Variants in CTDSP2 observed in about 807,000 individuals in gnomAD.
The protein encoded by CTDSP2 is CTD small phosphatase 2, also known as carboxy-terminal domain RNA polymerase II polypeptide A small phosphatase 2.
CTDSP2 carries 9 observed loss-of-function variants against 31.6 expected under a neutral mutation model. That is an observed-to-expected ratio of 0.28 (90% CI 0.17 to 0.50). The LOEUF is 0.50. Among genes scored for constraint, CTDSP2 ranks in the 20% least tolerant of loss-of-function variants. The pLI is 0.98. For missense variants in CTDSP2, 267 were observed against 348.5 expected (o/e 0.77, Z 1.86); for synonymous variants, 134 against 134.5 (o/e 1.00, Z 0.03).
rs537276042 is a variant in CTDSP2 at position 57,824,871 on chromosome 12, C to T, written c.412-552G>A. 3.3e-5 allele frequency among the ~76,000 whole-genome samples: 5 copies of T among 152,318 alleles called. No homozygotes were observed. The South Asian group carries it at 8.3e-4, about 25-fold the overall frequency. ...GCTTGCTTCTGCCAGCCACCACTAACACCTTTGTCCACCCTTACGATCTTG... is the reference window on the plus strand; with the variant it reads ...GCTTGCTTCTGCCAGCCACCACTAATACCTTTGTCCACCCTTACGATCTTG... On this transcript the variant is annotated intron_variant, in intron 5 of 7. Transcript: ENST00000398073.
chr12:57,828,491 T>C (rs1956196612), intron 2 of CTDSP2, among the ~76,000 whole-genome samples: 1 of 152,248 alleles, frequency 6.6e-6, no homozygotes, highest in Non-Finnish European at 1.5e-5. Flanking sequence ...ATTAAAATCC[T>C]AGCACTTAGA....
chr12:57,827,568 T>C lies in CTDSP2; in HGVS notation c.236A>G (p.Gln79Arg). Residue 79 changes from glutamine to arginine, a missense_variant, in exon 3 of 8, where the codon CAG (glutamine) becomes CGG (arginine). Coordinates refer to ENST00000398073, the MANE Select transcript of CTDSP2 (RefSeq NM_005730.4). ...GTCACGTACCTGGTAGAACTGGTAC[T>C]GGAGACACTGGAGCAGATCCGACTG... ...IAKSDLLQCL[Q>R]YQFYQIPGTC... 6.2e-7 allele frequency: 1 copy of C among 1,614,066 alleles called. No individual in the cohort carries two copies. The highest frequency in any genetic ancestry group is 8.5e-7 in the Non-Finnish European group (1 of 1,179,980).
Position 57,822,831 on chromosome 12 carries a change from C to G in CTDSP2, c.*771G>C, listed in dbSNP as rs1956155461. 6.6e-6 allele frequency: 1 copy of G among 152,606 alleles called. No homozygotes were observed. Among genetic ancestry groups the G allele is most frequent in the Non-Finnish European group, 1.5e-5 (1 of 68,076 alleles). 9.5% of individuals were successfully genotyped at this position (152,606 alleles called of 1,614,324 possible). A position where few individuals can be genotyped will look rare whatever the true frequency, so the allele number is the denominator to read the frequency against. The stretch of plus-strand genomic sequence containing the variant: ...TAGAAAGAGAATTTTAAAACACAGT[C>G]AAAAGAACGGAAATCAGTTATCTGT... On this transcript the variant is annotated 3_prime_UTR_variant, in exon 8 of 8. Transcript: ENST00000398073.
Position 57,823,454 on chromosome 12 carries a change from A to G in CTDSP2, c.*148T>C. 1 of 886,190 alleles carries G rather than the reference A, an allele frequency of 1.1e-6. No homozygotes were observed. Among genetic ancestry groups the G allele is most frequent in the Non-Finnish European group, 1.7e-6 (1 of 588,822 alleles). 54.9% of individuals were successfully genotyped at this position (886,190 alleles called of 1,614,324 possible). ...CTGGCATTCGCCCACTCGGCATCTA[A>G]GCTGTCCTAAAGCTCTTTCCAGTTA... On this transcript the variant is annotated 3_prime_UTR_variant, in exon 8 of 8. Coordinates refer to ENST00000398073, the MANE Select transcript of CTDSP2 (RefSeq NM_005730.4).
At chr12:57,830,404 C>G (rs956064309) in intron 1 of CTDSP2, among the ~76,000 whole-genome samples, 15 of 151,190 alleles carry the variant, frequency 9.9e-5, no homozygotes, top group Admixed American at 6.6e-5. Context: ...ACAACAAAAA[C>G]AAACAAACAA....
chr12:57,828,158 G>T (rs1956194583), intron 2 of CTDSP2, among the ~76,000 whole-genome samples: 1 of 152,190 alleles, frequency 6.6e-6, no homozygotes, highest in Non-Finnish European at 1.5e-5. Flanking sequence ...AGTGGCTCAT[G>T]CCTGTAATCC....
At position 57,822,388 on chromosome 12, in the gene CTDSP2, C is replaced by G. The variant is rs1178438088; in HGVS notation, c.*1214G>C. 1 of 152,268 alleles carries G rather than the reference C, an allele frequency of 6.6e-6. No homozygotes were observed. The highest frequency in any genetic ancestry group is 2.4e-5 in the African/African-American group (1 of 41,444). The allele number at this position is 152,268 out of a possible 1,614,324, so 9.4% of individuals were successfully genotyped here. ...GCAGAAAGCATGCGCATTAGGCTGG[C>G]AAATGGCAAGAACACTCATTCCCCC... On this transcript the variant is annotated 3_prime_UTR_variant, in exon 8 of 8. Transcript: ENST00000398073.
intron 1 of CTDSP2, among the ~76,000 whole-genome samples, chr12:57,831,411 C>A (rs1314906741): frequency 2.0e-5 from 3 of 152,066 alleles, no homozygotes; most frequent in Non-Finnish European, 4.4e-5. Flanking sequence ...CGAGATCATG[C>A]GACTGCACTC....
At chr12:57,824,457 CTG>C in intron 5 of CTDSP2, 138 bp from the exon 6 acceptor site, 1 of 711,194 alleles carries the variant, frequency 1.4e-6, no homozygotes, top group Non-Finnish European at 2.5e-6. Flanking sequence ...GGCTGGAAGC[CTG>C]CGGCCCCCTG....
At chr12:57,831,447 G>A (rs1956215286) in intron 1 of CTDSP2, among the ~76,000 whole-genome samples, 1 of 151,414 alleles carries the variant, frequency 6.6e-6, no homozygotes. Context: ...AGCAAGACTC[G>A]TCTCAAAAAA....
intron 1 of CTDSP2, chr12:57,842,665 G>A (rs929487891): frequency 2.0e-5 from 3 of 152,354 alleles, no homozygotes; most frequent in Admixed American, 2.0e-4. Context: ...CAAAGGAGAT[G>A]CAGGAGGGAG....
At chr12:57,838,524 C>G (rs1480522381) in intron 1 of CTDSP2, among the ~76,000 whole-genome samples, 1 of 152,216 alleles carries the variant, frequency 6.6e-6, no homozygotes. Context: ...TAGTGCTGTG[C>G]CCTTGACTCC....
rs112505351 is a variant in CTDSP2 at position 57,846,394 on chromosome 12, G to T, written c.42C>A (p.Asp14Glu). The change falls in exon 1 of 8, where the codon GAC becomes GAA. Residue 14 changes from aspartate to glutamate, a missense_variant. By Grantham distance (45) the Asp-to-Glu change is conservative. This residue lies in a region of CTDSP2 where 111 missense variants were observed against 107.1 expected (regional missense o/e 1.04). Transcript: ENST00000398073. ...TACCTTGCTTGGTGAGCACCAGGGCGTCTTCCCTCCGCGCCTGGGTGATGA... is the reference window on the plus strand; with the variant it reads ...TACCTTGCTTGGTGAGCACCAGGGCTTCTTCCCTCCGCGCCTGGGTGATGA... ...GSIITQARRE[D>E]ALVLTKQGLV... The T allele has an allele frequency of 1.2e-6, 2 of 1,608,438 alleles. No homozygotes were observed. The highest frequency in any genetic ancestry group is 2.7e-5 in the African/African-American group (2 of 74,644).
rs1420715448 is a variant in CTDSP2 at position 57,822,412 on chromosome 12, C to G, written c.*1190G>C. ...GCAAATGGCAAGAACACTCATTCCCCCTCAGCCCAGGAAGAGCAAGAGTTC... is the reference window on the plus strand; with the variant it reads ...GCAAATGGCAAGAACACTCATTCCCGCTCAGCCCAGGAAGAGCAAGAGTTC... On this transcript the variant is annotated 3_prime_UTR_variant, in exon 8 of 8. Transcript: ENST00000398073. 1 of 152,390 alleles carries G rather than the reference C, an allele frequency of 6.6e-6. No individual in the cohort carries two copies. The highest frequency in any genetic ancestry group is 2.4e-5 in the African/African-American group (1 of 41,442). The allele number at this position is 152,390 out of a possible 1,614,324, so 9.4% of individuals were successfully genotyped here. A position where few individuals can be genotyped will look rare whatever the true frequency, so the allele number is the denominator to read the frequency against.
chr12:57,824,420 C>G (rs1956169716), intron 5 of CTDSP2, 101 bp from the exon 6 acceptor site: 1 of 895,944 alleles, frequency 1.1e-6, no homozygotes, highest in African/African-American at 1.6e-5. Flanking sequence ...GCTCTCAACC[C>G]CTGCAGCCCA....
intron 2 of CTDSP2, 49 bp from the exon 3 acceptor site, chr12:57,827,639 C>T (rs768225411): frequency 6.4e-7 from 1 of 1,566,168 alleles, no homozygotes; most frequent in South Asian, 1.1e-5. Flanking sequence ...CCTTTCCCAC[C>T]CCATCCAAAC....
chr12:57,825,682 G>C (rs962067899), intron 5 of CTDSP2, among the ~76,000 whole-genome samples: 1 of 152,190 alleles, frequency 6.6e-6, no homozygotes, highest in African/African-American at 2.4e-5. Flanking sequence ...GGACTGCCTG[G>C]GCTGCAGGCT....
intron 1 of CTDSP2, among the ~76,000 whole-genome samples, chr12:57,837,865 A>G (rs1357416677): frequency 6.6e-6 from 1 of 152,112 alleles, no homozygotes; most frequent in African/African-American, 2.4e-5. Context: ...AGAGCTCCCT[A>G]TATGGCTGTC....
At chr12:57,827,529 C>CT (rs1333578004) in intron 3 of CTDSP2, 23 bp downstream of exon 3, 2 of 1,613,354 alleles carry the variant, frequency 1.2e-6, no homozygotes, top group Non-Finnish European at 1.7e-6. Flanking sequence ...CTTCTGAGTA[C>CT]TTACCAGGCC....
Sources: gnomAD v4.1 joint callset for allele counts (sites outside exome capture counted in the v4.1 genomes callset) on GRCh38, gnomAD v4.1.1 for gene constraint, gnomAD v4.1.1 regional missense constraint, MANE v1.5 for transcripts, NCBI Gene and HGNC (gene_info 2026-07-23, HGNC 2026-07-21) for gene names.